ARB2A: variants seen among roughly 807,000 people sequenced by gnomAD.
ARB2A encodes ARB2 cotranscriptional regulator A.
chr5:93,663,449 A>G, the ARB2A span, among the ~76,000 whole-genome samples: 2 of 152,116 alleles, frequency 1.3e-5, no homozygotes, highest in African/African-American at 2.4e-5. Flanking sequence ...TCAGCCTAGG[A>G]GGAGAGGAGT....
At chr5:93,802,711 G>T in the ARB2A span, among the ~76,000 whole-genome samples, 1 of 152,028 alleles carries the variant, frequency 6.6e-6, no homozygotes, top group Non-Finnish European at 1.5e-5. Flanking sequence ...AGTTTAGCAG[G>T]CATAAACAGA....
the ARB2A span, among the ~76,000 whole-genome samples, chr5:93,644,227 TTGG>T: frequency 6.6e-6 from 1 of 152,096 alleles, no homozygotes; most frequent in Non-Finnish European, 1.5e-5. Context: ...TATAAGCCAG[TTGG>T]TGGTTTCAGT....
chr5:93,827,317 G>A, the ARB2A span, among the ~76,000 whole-genome samples: 1 of 152,168 alleles, frequency 6.6e-6, no homozygotes, highest in Non-Finnish European at 1.5e-5. Context: ...ATCTCATTGA[G>A]GTTTTGATCT....
chr5:93,645,567 C>T, the ARB2A span, among the ~76,000 whole-genome samples: 1 of 139,862 alleles, frequency 7.1e-6, no homozygotes, highest in East Asian at 2.0e-4. Flanking sequence ...AGTGAGACTC[C>T]GTCTCAAAGA....
the ARB2A span, among the ~76,000 whole-genome samples, chr5:94,096,685 T>C: frequency 6.6e-6 from 1 of 152,112 alleles, no homozygotes; most frequent in Non-Finnish European, 1.5e-5. Flanking sequence ...AGAGCCACGA[T>C]GGCCAGCTAA....
At chr5:93,720,105 T>C in the ARB2A span, among the ~76,000 whole-genome samples, 9 of 152,338 alleles carry the variant, frequency 5.9e-5, no homozygotes, top group African/African-American at 1.9e-4. Context: ...TCAACAGCTA[T>C]CGCTTAATCT....
the ARB2A span, among the ~76,000 whole-genome samples, chr5:93,857,373 G>A: frequency 1.3e-5 from 2 of 152,160 alleles, no homozygotes; most frequent in Admixed American, 1.3e-4. Context: ...GTTTGTCTGT[G>A]CCCTGCCCCC....
the ARB2A span, among the ~76,000 whole-genome samples, chr5:93,694,852 T>C: frequency 2.6e-5 from 4 of 152,048 alleles, no homozygotes; most frequent in Non-Finnish European, 5.9e-5. Context: ...TATTGACCAA[T>C]GGAACAGAAC....
chr5:93,888,206 G>A, the ARB2A span, among the ~76,000 whole-genome samples: 8 of 151,732 alleles, frequency 5.3e-5, no homozygotes, highest in Non-Finnish European at 8.8e-5. Context: ...ATCTACAATA[G>A]TACCATTAAT....
the ARB2A span, among the ~76,000 whole-genome samples, chr5:93,757,021 A>G: frequency 6.6e-6 from 1 of 152,344 alleles, no homozygotes; most frequent in East Asian, 1.9e-4. Context: ...TAGACAGCTT[A>G]AAGAAAGGAC....
the ARB2A span, among the ~76,000 whole-genome samples, chr5:93,811,194 CA>C: frequency 1.3e-5 from 2 of 152,026 alleles, no homozygotes; most frequent in African/African-American, 4.8e-5. Context: ...TGGAATGAGC[CA>C]CAAAAAAGAG....
At chr5:93,726,760 AT>A in the ARB2A span, among the ~76,000 whole-genome samples, 1 of 152,082 alleles carries the variant, frequency 6.6e-6, no homozygotes, top group African/African-American at 2.4e-5. Context: ...AGTAGATTAT[AT>A]TCAGCTTCTT....
the ARB2A span, among the ~76,000 whole-genome samples, chr5:93,920,968 G>A: frequency 4.0e-5 from 6 of 151,898 alleles, no homozygotes; most frequent in South Asian, 4.2e-4. Context: ...GTGTAATACC[G>A]GAAACTCTGA....
chr5:93,647,209 G>A, the ARB2A span, among the ~76,000 whole-genome samples: 1 of 151,900 alleles, frequency 6.6e-6, no homozygotes, highest in Non-Finnish European at 1.5e-5. Context: ...TCTAGTACAG[G>A]ATCCAGTCCA....
At chr5:93,709,887 G>A in the ARB2A span, among the ~76,000 whole-genome samples, 13 of 152,150 alleles carry the variant, frequency 8.5e-5, no homozygotes, top group African/African-American at 3.1e-4. Flanking sequence ...GAAGTTAAAT[G>A]ATTGACTTCA....
the ARB2A span, among the ~76,000 whole-genome samples, chr5:93,918,235 T>A: frequency 6.6e-6 from 1 of 152,110 alleles, no homozygotes; most frequent in Admixed American, 6.5e-5. Context: ...AGTACAAGTG[T>A]CCTGCTCTTG....
chr5:93,861,558 A>G, the ARB2A span: 23 of 152,268 alleles, frequency 1.5e-4, no homozygotes, highest in African/African-American at 5.3e-4. Flanking sequence ...GTGCTGTTCA[A>G]TAACTATTTG....
At chr5:93,944,422 C>T in the ARB2A span, among the ~76,000 whole-genome samples, 1 of 151,924 alleles carries the variant, frequency 6.6e-6, no homozygotes, top group African/African-American at 2.4e-5. Flanking sequence ...ATAGTAGGAC[C>T]CCATCTCGCC....
At chr5:93,932,631 G>A in the ARB2A span, among the ~76,000 whole-genome samples, 4 of 152,228 alleles carry the variant, frequency 2.6e-5, no homozygotes, top group East Asian at 5.8e-4. Context: ...CAAGCAAATC[G>A]TGTTTTCCAA....
Sources: allele counts gnomAD v4.1 joint callset (sites outside exome capture counted in the v4.1 genomes callset), GRCh38; gene constraint gnomAD v4.1.1; transcripts MANE v1.5; gene names NCBI Gene and HGNC (gene_info 2026-07-23, HGNC 2026-07-21).